Variants in CCSER1 observed in about 807,000 individuals in gnomAD.
The protein encoded by CCSER1 is coiled-coil serine rich protein 1.
A neutral mutation model predicts 82.0 loss-of-function variants in CCSER1; 41 were observed. The ratio of observed to expected loss-of-function variants is 0.50; its 90% CI spans 0.39 to 0.65. The LOEUF (loss-of-function observed/expected upper bound fraction) is 0.65, where lower values mean the gene tolerates loss of function less well. Among genes scored for constraint, CCSER1 ranks in the 30% least tolerant of loss-of-function variants. CCSER1 has a pLI of 0.00. For missense variants in CCSER1, 1,119 were observed against 1,064.2 expected, an observed-to-expected ratio of 1.05 and a Z score of -0.72; for synonymous variants, 414 against 383.9, an observed-to-expected ratio of 1.08 and a Z score of -0.92.
intron 7 of CCSER1, among the ~76,000 whole-genome samples, chr4:90,803,715 GGGTATATATCT>G (rs1330149800): frequency 6.6e-6 from 1 of 152,092 alleles, no homozygotes; most frequent in Non-Finnish European, 1.5e-5. Flanking sequence ...ATAATCCCTT[GGGTATATATCT>G]GGTAATGGGA....
chr4:90,691,917 T>C (rs368884088), intron 6 of CCSER1, among the ~76,000 whole-genome samples: 2 of 151,602 alleles, frequency 1.3e-5, no homozygotes, highest in East Asian at 3.9e-4. Context: ...ATGTACTCAA[T>C]AGAAACACTT....
chr4:90,755,129 A>G (rs1749288163), intron 7 of CCSER1, among the ~76,000 whole-genome samples: 1 of 152,174 alleles, frequency 6.6e-6, no homozygotes, highest in African/African-American at 2.4e-5. Context: ...TGCTTATGTC[A>G]CACTGGCCAA....
In CCSER1 at chr4:90,308,835, C is replaced by G. The variant is rs752808705; in HGVS notation, c.551C>G (p.Ser184Cys). ...KQSTRKLLPKSFSSHYKFSKP... is the reference protein window; with the variant it reads ...KQSTRKLLPKCFSSHYKFSKP... ...TCAACAAGGAAGCTACTCCCTAAAT[C>G]TTTTTCATCTCACTATAAATTTTCT... The change falls in exon 2 of 11, where the codon TCT (serine) becomes TGT (cysteine). Residue 184 changes from serine to cysteine, a missense_variant. Coordinates refer to ENST00000509176, the MANE Select transcript of CCSER1 (RefSeq NM_001145065.2). The G allele has an allele frequency of 3.9e-5, 63 of 1,613,640 alleles. 1 individual carries two copies. The South Asian group carries it at 6.8e-4, about 17-fold the overall frequency.
At chr4:91,359,576 C>T (rs1749109212) in intron 10 of CCSER1, among the ~76,000 whole-genome samples, 1 of 151,598 alleles carries the variant, frequency 6.6e-6, no homozygotes, top group East Asian at 1.9e-4. Context: ...TGAGGTATTG[C>T]TTCTTATTAA....
chr4:90,561,006 T>C (rs1778696137), intron 5 of CCSER1, among the ~76,000 whole-genome samples: 1 of 152,180 alleles, frequency 6.6e-6, no homozygotes, highest in Non-Finnish European at 1.5e-5. Context: ...GTTAATTGAG[T>C]TATTGCTAAT....
chr4:90,899,859 C>A (rs1580993253), intron 8 of CCSER1, among the ~76,000 whole-genome samples: 1 of 151,800 alleles, frequency 6.6e-6, no homozygotes, highest in Non-Finnish European at 1.5e-5. Context: ...TAGCATTGTA[C>A]TGAGGATTTT....
intron 10 of CCSER1, among the ~76,000 whole-genome samples, chr4:91,216,593 T>C (rs764595142): frequency 9.2e-5 from 14 of 152,200 alleles, no homozygotes; most frequent in Non-Finnish European, 1.3e-4. Flanking sequence ...GTGCTGGGAT[T>C]ACAGGCGTGA....
intron 9 of CCSER1, among the ~76,000 whole-genome samples, chr4:90,970,767 A>G (rs1045279032): frequency 6.6e-6 from 1 of 152,028 alleles, no homozygotes; most frequent in African/African-American, 2.4e-5. Context: ...TAAACTAGAA[A>G]TCAATAAGAG....
intron 9 of CCSER1, among the ~76,000 whole-genome samples, chr4:90,933,259 C>T (rs1194267237): frequency 2.0e-5 from 3 of 151,026 alleles, no homozygotes; most frequent in South Asian, 4.2e-4. Context: ...GCGGTCTCGG[C>T]TCACTGCAAT....
chr4:90,452,619 C>T (rs1761608419), intron 4 of CCSER1, among the ~76,000 whole-genome samples: 1 of 152,164 alleles, frequency 6.6e-6, no homozygotes, highest in South Asian at 2.1e-4. Flanking sequence ...CATTGCCTTC[C>T]TTTCTGAGAC....
chr4:90,938,676 G>A, intron 9 of CCSER1: 1 of 375,308 alleles, frequency 2.7e-6, no homozygotes, highest in South Asian at 2.1e-5. Context: ...TCTTTTCAAG[G>A]CCCTGTGGAA....
chr4:91,202,341 G>T (rs769333073), intron 10 of CCSER1, among the ~76,000 whole-genome samples: 1 of 151,974 alleles, frequency 6.6e-6, no homozygotes, highest in Non-Finnish European at 1.5e-5. Flanking sequence ...AGTTAAACAC[G>T]TCCTTTCCAC....
chr4:91,177,448 C>T (rs572173815), intron 10 of CCSER1, among the ~76,000 whole-genome samples: 1 of 152,140 alleles, frequency 6.6e-6, no homozygotes. Flanking sequence ...CCATCTGGTC[C>T]TGGACTTTTT....
chr4:90,345,304 G>A (rs900054635), intron 3 of CCSER1, among the ~76,000 whole-genome samples: 1 of 152,038 alleles, frequency 6.6e-6, no homozygotes, highest in Non-Finnish European at 1.5e-5. Flanking sequence ...CTCCCAAACA[G>A]TAAGGGTACT....
intron 10 of CCSER1, among the ~76,000 whole-genome samples, chr4:91,210,987 T>A (rs978424865): frequency 2.0e-5 from 3 of 152,024 alleles, no homozygotes; most frequent in Non-Finnish European, 4.4e-5. Flanking sequence ...AATATTATTC[T>A]TAGTATTGGA....
At position 90,167,138 on chromosome 4, in the gene CCSER1, A is replaced by G. The variant is rs369492464; in HGVS notation, c.-42+39307A>G. ...TTTTGGATTTCCACATTTCTATGTT[A>G]AAGTACTTAAAAACTCAAACTCAAG... On this transcript the variant is annotated intron_variant, in intron 1 of 10. Coordinates refer to ENST00000509176, the MANE Select transcript of CCSER1 (RefSeq NM_001145065.2). Among the ~76,000 whole-genome samples the G allele has an allele frequency of 7.2e-5, 11 of 152,218 alleles. No homozygotes were observed. In the East Asian group the frequency reaches 1.9e-3, roughly 27 times the overall value.
intron 1 of CCSER1, among the ~76,000 whole-genome samples, chr4:90,176,515 A>G (rs1175805565): frequency 6.6e-6 from 1 of 152,020 alleles, no homozygotes; most frequent in Non-Finnish European, 1.5e-5. Flanking sequence ...AACAAAGTGC[A>G]CAGAGAAAAG....
intron 8 of CCSER1, among the ~76,000 whole-genome samples, chr4:90,884,909 A>G (rs906358841): frequency 6.6e-6 from 1 of 152,138 alleles, no homozygotes; most frequent in Non-Finnish European, 1.5e-5. Flanking sequence ...GCAATAGAAG[A>G]TTGCACAACA....
intron 10 of CCSER1, among the ~76,000 whole-genome samples, chr4:91,139,376 A>G (rs1228907227): frequency 6.6e-6 from 1 of 152,102 alleles, no homozygotes; most frequent in African/African-American, 2.4e-5. Context: ...ATTGTGCTAC[A>G]TCCTTCTTCA....
Sources: allele counts gnomAD v4.1 joint callset (sites outside exome capture counted in the v4.1 genomes callset), GRCh38; gene constraint gnomAD v4.1.1; transcripts MANE v1.5; gene names NCBI Gene and HGNC (gene_info 2026-07-23, HGNC 2026-07-21).